Variants in TRAPPC12 observed in about 807,000 individuals in gnomAD.
The protein encoded by TRAPPC12 is trafficking protein particle complex subunit 12.
A neutral mutation model predicts 69.2 loss-of-function variants in TRAPPC12; 61 were observed. That is an observed-to-expected ratio of 0.88 (90% CI 0.72 to 1.09). TRAPPC12 has a LOEUF of 1.09. TRAPPC12 is among the 50% of genes least tolerant of loss of function. The pLI is 0.00. For missense variants in TRAPPC12, 1,101 were observed against 1,016.4 expected, an observed-to-expected ratio of 1.08 and a Z score of -1.13; for synonymous variants, 469 against 438.9, an observed-to-expected ratio of 1.07 and a Z score of -0.86.
chr2:3,435,092 A>C (rs1350778325), intron 5 of TRAPPC12, among the ~76,000 whole-genome samples: 1 of 152,190 alleles, frequency 6.6e-6, no homozygotes, highest in Non-Finnish European at 1.5e-5. Flanking sequence ...GGCTCACTGC[A>C]ATGTCCACCT....
At chr2:3,462,693 T>G (rs1396753553) in intron 8 of TRAPPC12, among the ~76,000 whole-genome samples, 2 of 152,260 alleles carry the variant, frequency 1.3e-5, no homozygotes, top group African/African-American at 4.8e-5. Context: ...AATGTCACTA[T>G]CTTCACTTTT....
intron 10 of TRAPPC12, 191 bp downstream of exon 10, chr2:3,477,986 CAG>C: frequency 2.2e-6 from 1 of 447,366 alleles, no homozygotes; most frequent in African/African-American, 2.0e-5. Context: ...CTTTTAGTCA[CAG>C]AAGCTGATTT....
At chr2:3,477,952 GT>G (rs1315834258) in intron 10 of TRAPPC12, 157 bp downstream of exon 10, 1 of 467,876 alleles carries the variant, frequency 2.1e-6, no homozygotes, top group African/African-American at 2.0e-5. Context: ...GTATACAGGT[GT>G]TTTCTTGAAT....
intron 1 of TRAPPC12, among the ~76,000 whole-genome samples, chr2:3,386,664 A>G (rs920471068): frequency 1.3e-5 from 2 of 151,918 alleles, no homozygotes; most frequent in African/African-American, 4.8e-5. Flanking sequence ...TTCGCACTGT[A>G]TCAGATTTCC....
intron 3 of TRAPPC12, among the ~76,000 whole-genome samples, chr2:3,416,540 C>T (rs1482835001): frequency 8.7e-6 from 1 of 114,778 alleles, no homozygotes; most frequent in African/African-American, 3.4e-5. Flanking sequence ...ACTGCCCTCC[C>T]CCTGCCTCTT....
chr2:3,416,091 G>A (rs1662376327), intron 3 of TRAPPC12, among the ~76,000 whole-genome samples: 1 of 152,190 alleles, frequency 6.6e-6, no homozygotes. Flanking sequence ...TTGATGCACT[G>A]GTAGCCATTT....
intron 6 of TRAPPC12, among the ~76,000 whole-genome samples, chr2:3,450,509 C>A (rs1664795179): frequency 6.6e-6 from 1 of 152,172 alleles, no homozygotes; most frequent in Non-Finnish European, 1.5e-5. Flanking sequence ...TCCGCTTCGG[C>A]CTTCTTTGTG....
intron 9 of TRAPPC12, among the ~76,000 whole-genome samples, chr2:3,475,896 C>T (rs1397104482): frequency 6.6e-6 from 1 of 152,232 alleles, no homozygotes; most frequent in Admixed American, 6.5e-5. Flanking sequence ...TTGCCACGGC[C>T]GCCGGCACAC....
intron 3 of TRAPPC12, among the ~76,000 whole-genome samples, chr2:3,406,887 A>G (rs1021100833): frequency 1.3e-5 from 2 of 152,236 alleles, no homozygotes; most frequent in Non-Finnish European, 2.9e-5. Flanking sequence ...AATATATACA[A>G]TGGTTTGATG....
Position 3,414,447 on chromosome 2 carries a change from G to T in TRAPPC12, c.1165-7434G>T, listed in dbSNP as rs566715886. 3.3e-5 allele frequency among the ~76,000 whole-genome samples: 5 copies of T among 151,796 alleles called. No homozygotes were observed. Among genetic ancestry groups the T allele is most frequent in the African/African-American group, 1.2e-4 (5 of 41,366 alleles). ...TCCCTTCAAAGCCCCCCGGGTTCTT[G>T]TCCTCCCCCCTGCCGCCACCCTGGG... On this transcript the variant is annotated intron_variant, in intron 3 of 11. Coordinates refer to ENST00000324266, the MANE Select transcript of TRAPPC12 (RefSeq NM_016030.6). The surrounding 1 kb of genome is among the most constrained non-coding windows in gnomAD (Gnocchi z 4.9).
In TRAPPC12 at chr2:3,479,510, T is replaced by A. The variant is rs771594909; in HGVS notation, c.*49T>A. Reference sequence around the variant, plus strand: ...AAGGACCCGGGTCTTTGAAACTGTGTCTTGAAGCTAATGTATTAATGTGAC... The same window carrying A: ...AAGGACCCGGGTCTTTGAAACTGTGACTTGAAGCTAATGTATTAATGTGAC... On this transcript the variant is annotated 3_prime_UTR_variant, in exon 12 of 12. Transcript: ENST00000324266. The A allele has an allele frequency of 1.3e-6, 2 of 1,598,622 alleles. No homozygotes were observed. Among genetic ancestry groups the A allele is most frequent in the Non-Finnish European group, 1.7e-6 (2 of 1,172,166 alleles).
intron 9 of TRAPPC12, among the ~76,000 whole-genome samples, chr2:3,466,603 C>T (rs1665822914): frequency 6.6e-6 from 1 of 152,214 alleles, no homozygotes; most frequent in East Asian, 1.9e-4. Context: ...CACAGTTGCT[C>T]ACACATGCAC....
intron 2 of TRAPPC12, among the ~76,000 whole-genome samples, chr2:3,393,354 G>A (rs1660934007): frequency 6.6e-6 from 1 of 152,118 alleles, no homozygotes; most frequent in African/African-American, 2.4e-5. Context: ...ATGGGGAGAT[G>A]TTACTCAAAG....
At chr2:3,393,024 C>A (rs1200154999) in intron 2 of TRAPPC12, among the ~76,000 whole-genome samples, 3 of 152,188 alleles carry the variant, frequency 2.0e-5, no homozygotes, top group Admixed American at 6.5e-5. Flanking sequence ...GCAGGAGGCT[C>A]ACTTGAGCCA....
chr2:3,395,312 G>A (rs551544626), intron 2 of TRAPPC12, among the ~76,000 whole-genome samples: 18 of 152,042 alleles, frequency 1.2e-4, no homozygotes, highest in Non-Finnish European at 8.8e-5. Context: ...CTCTTCAAAC[G>A]TTTTCTCCAT....
chr2:3,465,495 C>T, intron 8 of TRAPPC12, 102 bp from the exon 9 acceptor site: 3 of 798,296 alleles, frequency 3.8e-6, no homozygotes. Context: ...TCAGCGTGTC[C>T]TCTCTCTACA....
chr2:3,466,243 C>T (rs1303012507), intron 9 of TRAPPC12: 2 of 470,902 alleles, frequency 4.2e-6, no homozygotes, highest in Non-Finnish European at 8.8e-6. Context: ...CTGTCAATCC[C>T]ACCCTTGCAG....
intron 5 of TRAPPC12, among the ~76,000 whole-genome samples, chr2:3,426,193 C>A (rs184733497): frequency 6.6e-5 from 10 of 152,156 alleles, no homozygotes; most frequent in Non-Finnish European, 1.0e-4. Context: ...AGGGAATTTG[C>A]CCCTTGTGGA....
intron 9 of TRAPPC12, among the ~76,000 whole-genome samples, chr2:3,473,377 G>C (rs1164326034): frequency 6.6e-6 from 1 of 152,236 alleles, no homozygotes; most frequent in Non-Finnish European, 1.5e-5. Context: ...AGTTGGAATG[G>C]AACAGTTTTT....
Sources: allele counts gnomAD v4.1 joint callset (sites outside exome capture counted in the v4.1 genomes callset), GRCh38; gene constraint gnomAD v4.1.1; non-coding constraint Gnocchi (gnomAD v3.1); transcripts MANE v1.5; gene names NCBI Gene and HGNC (gene_info 2026-07-23, HGNC 2026-07-21).